FGF12: variants seen among roughly 807,000 people sequenced by gnomAD.
The protein encoded by FGF12 is fibroblast growth factor 12B.
Under a neutral mutation model 23.6 loss-of-function variants are expected in FGF12, and 14 were observed. The ratio of observed to expected loss-of-function variants is 0.59; its 90% CI spans 0.39 to 0.93. The LOEUF is 0.93. Among genes scored for constraint, FGF12 ranks in the 40% least tolerant of loss-of-function variants. FGF12 has a pLI of 0.00. For synonymous variants in FGF12, 62 were observed against 77.3 expected, an observed-to-expected ratio of 0.80 and a Z score of 1.04; for missense variants, 175 against 217.8, an observed-to-expected ratio of 0.80 and a Z score of 1.24.
At chr3:192,410,673 G>T (rs1052691248) in intron 2 of FGF12, among the ~76,000 whole-genome samples, 5 of 152,140 alleles carry the variant, frequency 3.3e-5, no homozygotes, top group Admixed American at 6.5e-5. Flanking sequence ...CAGATTTCTT[G>T]GTTCTGTCTG....
intron 2 of FGF12, among the ~76,000 whole-genome samples, chr3:192,513,869 A>G (rs1724569177): frequency 1.3e-5 from 2 of 152,230 alleles, no homozygotes; most frequent in South Asian, 4.1e-4. Flanking sequence ...TTTAAAGATA[A>G]CTTATACAAA....
intron 2 of FGF12, among the ~76,000 whole-genome samples, chr3:192,690,165 G>T (rs61647597): frequency 0.047 from 7,193 of 151,976 alleles, 316 homozygotes; most frequent in East Asian, 0.2. Context: ...AGACTTATTT[G>T]GGATGAAACA....
chr3:192,661,296 C>T (rs1167082449), intron 2 of FGF12, among the ~76,000 whole-genome samples: 4 of 152,150 alleles, frequency 2.6e-5, no homozygotes, highest in South Asian at 2.1e-4. Flanking sequence ...CCAAGGCGGG[C>T]GGATCACTTG....
chr3:192,537,950 C>CTTTTTGTTTTTTTTTTTTTTTTTTTT (rs1725267869), intron 2 of FGF12, among the ~76,000 whole-genome samples: 1 of 121,374 alleles, frequency 8.2e-6, no homozygotes. Flanking sequence ...AGCCTTTAAC[C>CTTTTTGTTTTTTTTTTTTTTTTTTTT]TTTTTTTTTT....
intron 2 of FGF12, among the ~76,000 whole-genome samples, chr3:192,460,508 A>G (rs1050211796): frequency 1.3e-5 from 2 of 152,060 alleles, no homozygotes; most frequent in African/African-American, 2.4e-5. Context: ...CAAATGTCAC[A>G]TAAGTGCCTT....
chr3:192,465,302 A>C (rs527785897), intron 2 of FGF12, among the ~76,000 whole-genome samples: 7 of 152,230 alleles, frequency 4.6e-5, no homozygotes, highest in Non-Finnish European at 1.0e-4. Context: ...TCTTCCAAAA[A>C]TCCCAAATTC....
At chr3:192,270,281 A>T (rs1713349889) in intron 4 of FGF12, among the ~76,000 whole-genome samples, 1 of 152,202 alleles carries the variant, frequency 6.6e-6, no homozygotes, top group Non-Finnish European at 1.5e-5. Flanking sequence ...CTCAGGCTAC[A>T]TGTAATACAG....
chr3:192,356,917 G>A (rs1718497197), intron 3 of FGF12, among the ~76,000 whole-genome samples: 1 of 152,162 alleles, frequency 6.6e-6, no homozygotes, highest in African/African-American at 2.4e-5. Flanking sequence ...CTCTGACAAA[G>A]TATATGTAAA....
At chr3:192,556,302 C>T (rs2654699) in intron 2 of FGF12, among the ~76,000 whole-genome samples, 136,533 of 152,236 alleles carry the variant, frequency 0.9, 61,432 homozygotes, top group African/African-American at 0.97. Flanking sequence ...AGGACACACA[C>T]AGACTGAAAG....
intron 4 of FGF12, among the ~76,000 whole-genome samples, chr3:192,285,174 T>C (rs1485652044): frequency 6.6e-6 from 1 of 152,074 alleles, no homozygotes; most frequent in African/African-American, 2.4e-5. Flanking sequence ...GTTCTGCCAG[T>C]TTAATCCCCA....
intron 2 of FGF12, among the ~76,000 whole-genome samples, chr3:192,502,834 A>G (rs920705679): frequency 1.2e-4 from 18 of 152,260 alleles, no homozygotes; most frequent in Admixed American, 2.6e-4. Context: ...GCTAGAAGTT[A>G]AAGAGAGAAG....
intron 2 of FGF12, among the ~76,000 whole-genome samples, chr3:192,502,377 G>A (rs1278253431): frequency 4.6e-5 from 7 of 152,118 alleles, no homozygotes; most frequent in East Asian, 1.9e-4. Flanking sequence ...TTAGAAGAAC[G>A]TCTTATTTTT....
chr3:192,354,459 C>CA (rs11399703), intron 3 of FGF12, among the ~76,000 whole-genome samples: 7,550 of 143,408 alleles, frequency 0.053, 685 homozygotes, highest in African/African-American at 0.18. Context: ...TAAAGCATGG[C>CA]AAAAAAAAAT....
At chr3:192,566,378 G>C (rs1357725442) in intron 2 of FGF12, among the ~76,000 whole-genome samples, 1 of 152,086 alleles carries the variant, frequency 6.6e-6, no homozygotes, top group Non-Finnish European at 1.5e-5. Context: ...AGGAAGACCA[G>C]GTATTAAAAT....
At chr3:192,343,906 T>G (rs1220238345) in intron 3 of FGF12, among the ~76,000 whole-genome samples, 1 of 152,194 alleles carries the variant, frequency 6.6e-6, no homozygotes, top group East Asian at 1.9e-4. Flanking sequence ...ACAGCATTTC[T>G]TACAGACATT....
chr3:192,340,203 C>T (rs947929971), intron 3 of FGF12, among the ~76,000 whole-genome samples: 5 of 152,006 alleles, frequency 3.3e-5, no homozygotes, highest in African/African-American at 1.2e-4. Flanking sequence ...AATGACACAC[C>T]AAATGCCAAG....
At chr3:192,174,604 G>A (rs1169075506) in intron 4 of FGF12, among the ~76,000 whole-genome samples, 1 of 152,152 alleles carries the variant, frequency 6.6e-6, no homozygotes, top group Non-Finnish European at 1.5e-5. Context: ...AGCTTGGATA[G>A]TCATTCTAAG....
chr3:192,299,883 T>G (rs1715244677), intron 4 of FGF12, among the ~76,000 whole-genome samples: 1 of 152,182 alleles, frequency 6.6e-6, no homozygotes, highest in Non-Finnish European at 1.5e-5. Flanking sequence ...AAGATAGTCT[T>G]TCCACAGATA....
intron 4 of FGF12, among the ~76,000 whole-genome samples, chr3:192,201,047 TC>T (rs1717342711): frequency 6.6e-6 from 1 of 152,158 alleles, no homozygotes. Context: ...CTCCAGATAA[TC>T]CCTCTGTTAA....
Sources: allele counts gnomAD v4.1 joint callset (sites outside exome capture counted in the v4.1 genomes callset), GRCh38; gene constraint gnomAD v4.1.1; transcripts MANE v1.5; gene names NCBI Gene and HGNC (gene_info 2026-07-23, HGNC 2026-07-21).